TINCR: variants seen among roughly 807,000 people sequenced by gnomAD.
TINCR encodes the protein TINCR-encoded ubiquitin-like protein.
chr19:5,559,961 G>C (rs191525209), downstream of TINCR: 7 of 152,406 alleles, frequency 4.6e-5, no homozygotes, highest in Non-Finnish European at 7.3e-5. Flanking sequence ...TCTGCTCTAG[G>C]AGGAGCTCCA....
downstream of TINCR, chr19:5,558,721 T>C (rs533739617): frequency 6.6e-6 from 1 of 152,400 alleles, no homozygotes; most frequent in South Asian, 2.1e-4. Context: ...ACGAGGACCA[T>C]GCACTTTGGT....
chr19:5,560,163 C>G (rs1283831014), downstream of TINCR: 2 of 152,336 alleles, frequency 1.3e-5, no homozygotes, highest in Non-Finnish European at 2.9e-5. This position sits in a 1 kb window ranked among gnomAD's most constrained non-coding sequence, Gnocchi z 4.5. Flanking sequence ...TCCTTCTCCC[C>G]CTCCTCTCAG....
In TINCR at chr19:5,565,232, T is replaced by C. The variant is rs1344287770; in HGVS notation, c.261-2283A>G. Reference sequence around the variant, plus strand: ...AGGTGCAGTCCTGCCTCAGGGCCTTTGCACAGGCTGTTCCTACTGCCTGGA... The same window carrying C: ...AGGTGCAGTCCTGCCTCAGGGCCTTCGCACAGGCTGTTCCTACTGCCTGGA... On this transcript the variant is annotated intron_variant, in intron 1 of 1. Transcript: ENST00000646160. The surrounding 1 kb of genome is among the most constrained non-coding windows in gnomAD (Gnocchi z 4.0). Among the ~76,000 whole-genome samples the C allele has an allele frequency of 6.6e-6, 1 of 152,166 alleles. No individual in the cohort carries two copies. The highest frequency in any genetic ancestry group is 1.5e-5 in the Non-Finnish European group (1 of 68,024).
chr19:5,562,522 C>T (rs979098222), downstream of TINCR: 8 of 152,080 alleles, frequency 5.3e-5, no homozygotes, highest in East Asian at 5.8e-4. This position sits in a 1 kb window ranked among gnomAD's most constrained non-coding sequence, Gnocchi z 4.4. Context: ...ACAAGATGGA[C>T]GGCAGTACCC....
downstream of TINCR, chr19:5,562,382 T>G (rs2052106245): frequency 6.6e-6 from 1 of 152,576 alleles, no homozygotes; most frequent in South Asian, 2.1e-4. The surrounding 1 kb of genome is among the most constrained non-coding windows in gnomAD (Gnocchi z 4.4). Flanking sequence ...CCGCTAGAGC[T>G]CCAGAAAAAT....
chr19:5,565,904 G>A lies in TINCR; in HGVS notation c.260+1761C>T, dbSNP rs533678313. On this transcript the variant is annotated intron_variant, in intron 1 of 1. Transcript: ENST00000646160. The surrounding 1 kb of genome is among the most constrained non-coding windows in gnomAD (Gnocchi z 4.0). ...AGGAGGTGGTCCCAGGCTCTGAGAC[G>A]AGGCCCCACCATCTTCACCACCTCT... 7.2e-5 allele frequency among the ~76,000 whole-genome samples: 11 copies of A among 152,240 alleles called. No individual in the cohort carries two copies. The highest frequency in any genetic ancestry group is 1.3e-4 in the Non-Finnish European group (9 of 68,000).
downstream of TINCR, chr19:5,561,181 T>A (rs1274858061): frequency 1.9e-5 from 3 of 153,882 alleles, no homozygotes; most frequent in African/African-American, 7.2e-5. Flanking sequence ...GCACAGTGCT[T>A]TCCACTGAAG....
At chr19:5,561,920 CAAGGCCATGTCCCTACCCTAGAGGCCAG>C (rs912630193), downstream of TINCR, among the ~76,000 whole-genome samples, 4 of 152,126 alleles carry the variant, frequency 2.6e-5, no homozygotes, top group African/African-American at 9.7e-5. Flanking sequence ...AATGAGACAC[CAAGGCCATGTCCCTACCCTAGAGGCCAG>C]AAGCATAAGT....
Position 5,566,943 on chromosome 19 carries a change from A to T in TINCR, c.260+722T>A, listed in dbSNP as rs150255652. Reference sequence around the variant, plus strand: ...CAGAGAGAGAAGTGGGCAGAGACACAGAGTGACAGAGAAAAGAGAGACAGA... The same window carrying T: ...CAGAGAGAGAAGTGGGCAGAGACACTGAGTGACAGAGAAAAGAGAGACAGA... On this transcript the variant is annotated intron_variant, in intron 1 of 1. Coordinates refer to ENST00000646160, the Ensembl canonical transcript of TINCR. Among the ~76,000 whole-genome samples the T allele has an allele frequency of 1.3e-3, 202 of 152,200 alleles. 1 individual carries two copies. The highest frequency in any genetic ancestry group is 2.3e-3 in the Non-Finnish European group (154 of 68,008).
downstream of TINCR, chr19:5,559,065 A>T (rs1201651471): frequency 6.6e-6 from 1 of 152,278 alleles, no homozygotes; most frequent in Admixed American, 6.5e-5. Flanking sequence ...AGAACATGCC[A>T]GCGCTGTCGA....
chr19:5,567,474 CACAG>C lies in TINCR; in HGVS notation c.260+187_260+190del, dbSNP rs1213012559. 7.2e-5 allele frequency among the ~76,000 whole-genome samples: 11 copies of C among 152,322 alleles called. 1 individual carries two copies. The South Asian group carries it at 2.1e-3, about 29-fold the overall frequency. On this transcript the variant is annotated intron_variant, in intron 1 of 1. Coordinates refer to ENST00000646160, the Ensembl canonical transcript of TINCR. ...AGACAGAAACAGGCAGAGAAACAGGCACAGACAGAGAGCCCGAAAGCAAGACCTG... is the reference window on the plus strand; with the variant it reads ...AGACAGAAACAGGCAGAGAAACAGGCACAGAGAGCCCGAAAGCAAGACCTG...
At chr19:5,560,721 G>A (rs1307886715), downstream of TINCR, 1 of 152,408 alleles carries the variant, frequency 6.6e-6, no homozygotes. The surrounding 1 kb of genome is among the most constrained non-coding windows in gnomAD (Gnocchi z 4.5). Flanking sequence ...TAAGGGGAAG[G>A]GGGAAACAGC....
downstream of TINCR, chr19:5,560,386 C>A (rs1227370732): frequency 6.6e-6 from 1 of 152,266 alleles, no homozygotes; most frequent in African/African-American, 2.4e-5. The surrounding 1 kb of genome is among the most constrained non-coding windows in gnomAD (Gnocchi z 4.5). Flanking sequence ...TCTTCCCAGC[C>A]TCTGGCGCCT....
intron 1 of TINCR, among the ~76,000 whole-genome samples, 195 bp downstream of exon 1, chr19:5,567,470 C>G (rs967494844): frequency 6.6e-6 from 1 of 152,214 alleles, no homozygotes; most frequent in African/African-American, 2.4e-5. Flanking sequence ...GGCAGAGAAA[C>G]AGGCACAGAC....
Position 5,565,083 on chromosome 19 carries a change from C to A in TINCR, c.261-2134G>T, listed in dbSNP as rs1205135251. Among the ~76,000 whole-genome samples, 2 of 152,142 alleles carry A rather than the reference C, an allele frequency of 1.3e-5. No homozygotes were observed. The highest frequency in any genetic ancestry group is 4.8e-5 in the African/African-American group (2 of 41,430). On this transcript the variant is annotated intron_variant, in intron 1 of 1. Coordinates refer to ENST00000646160, the Ensembl canonical transcript of TINCR. This position sits in a 1 kb window ranked among gnomAD's most constrained non-coding sequence, Gnocchi z 4.0. ...TCCCACCTCCCTCGGAGTCAAGGCC[C>A]AAGTCCTCCCTGCAGTCCGCAAGGC...
chr19:5,567,859 G>A (rs938824388), exon 1 of TINCR: 1 of 393,052 alleles, frequency 2.5e-6, no homozygotes, highest in African/African-American at 2.1e-5. Flanking sequence ...GCAGCGCCTC[G>A]TCCGCCAGGT....
chr19:5,567,390 A>AGAGAGTGACAAAGAT (rs1336108963), intron 1 of TINCR, among the ~76,000 whole-genome samples: 1 of 152,162 alleles, frequency 6.6e-6, no homozygotes, highest in Non-Finnish European at 1.5e-5. Context: ...GACAGAGACG[A>AGAGAGTGACAAAGAT]GAGAGTGACA....
chr19:5,563,357 G>A lies in TINCR; in HGVS notation c.261-408C>T, dbSNP rs753855920. On this transcript the variant is annotated intron_variant, in intron 1 of 1. Coordinates refer to ENST00000646160, the Ensembl canonical transcript of TINCR. The surrounding 1 kb of genome is among the most constrained non-coding windows in gnomAD (Gnocchi z 4.7). ...GGGGGGCAACTGGGCTGGGCCAGGG[G>A]TTGAGAAGTGGGAGGATTATGGTTA... Among the ~76,000 whole-genome samples the A allele has an allele frequency of 3.3e-5, 5 of 152,108 alleles. No individual in the cohort carries two copies. The highest frequency in any genetic ancestry group is 5.9e-5 in the Non-Finnish European group (4 of 68,020).
downstream of TINCR, chr19:5,561,996 TCTC>T (rs2052104197): frequency 6.6e-6 from 1 of 152,440 alleles, no homozygotes; most frequent in African/African-American, 2.4e-5. Context: ...ATCTGTCTCT[TCTC>T]CTCTCTGGGC....
Sources: allele counts gnomAD v4.1 joint callset (sites outside exome capture counted in the v4.1 genomes callset), GRCh38; gene constraint gnomAD v4.1.1; non-coding constraint Gnocchi (gnomAD v3.1); transcripts MANE v1.5; gene names NCBI Gene and HGNC (gene_info 2026-07-23, HGNC 2026-07-21).